Variants in MED15 observed in about 807,000 individuals in gnomAD.
MED15 encodes mediator complex subunit 15.
Under a neutral mutation model 118.7 loss-of-function variants are expected in MED15, and 41 were observed. That is an observed-to-expected ratio of 0.35 (90% CI 0.27 to 0.45). The LOEUF (loss-of-function observed/expected upper bound fraction) is 0.45, where lower values mean the gene tolerates loss of function less well. Among genes scored for constraint, MED15 ranks in the 20% least tolerant of loss-of-function variants. The pLI is 1.00. For missense variants in MED15, 740 were observed against 1,025.5 expected, an observed-to-expected ratio of 0.72 and a Z score of 3.80; for synonymous variants, 436 against 413.9, an observed-to-expected ratio of 1.05 and a Z score of -0.65.
intron 1 of MED15, among the ~76,000 whole-genome samples, chr22:20,530,040 T>C (rs889223301): frequency 6.6e-6 from 1 of 152,226 alleles, no homozygotes; most frequent in Non-Finnish European, 1.5e-5. Context: ...TTTTTTTTAA[T>C]ATGGGAAAAT....
intron 2 of MED15, among the ~76,000 whole-genome samples, chr22:20,540,205 C>T (rs546599474): frequency 4.9e-4 from 75 of 152,102 alleles, no homozygotes; most frequent in Admixed American, 1.4e-3. Flanking sequence ...TCCTGGAGGA[C>T]GTGGAAAGCC....
chr22:20,527,750 G>A (rs144279555), intron 1 of MED15, among the ~76,000 whole-genome samples: 1 of 152,152 alleles, frequency 6.6e-6, no homozygotes, highest in East Asian at 1.9e-4. Context: ...ACAAGGTCAG[G>A]AGTTCGAGAC....
At chr22:20,554,889 G>A (rs1333139438) in intron 4 of MED15, 47 bp from the exon 5 acceptor site, 4 of 1,539,804 alleles carry the variant, frequency 2.6e-6, no homozygotes, top group Non-Finnish European at 3.5e-6. Flanking sequence ...GCCATGGTCA[G>A]TCTGGTAGGC....
Position 20,584,443 on chromosome 22 carries a change from C to A in MED15, c.1803+18C>A, listed in dbSNP as rs1479371146. On this transcript the variant is annotated intron_variant, in intron 14 of 17. Coordinates refer to ENST00000263205, the MANE Select transcript of MED15 (RefSeq NM_001003891.3). ...TGGCGGTGGTGAGTGGGATGCCAGA[C>A]ACCCCTAGGGGAACCAGGGCTCTCC... 1.9e-6 allele frequency: 3 copies of A among 1,612,888 alleles called. No individual in the cohort carries two copies. In the South Asian group the frequency reaches 3.3e-5, roughly 18 times the overall value.
At chr22:20,552,461 G>T in intron 3 of MED15, 1 of 358,328 alleles carries the variant, frequency 2.8e-6, no homozygotes, top group South Asian at 2.1e-5. Context: ...AAAGTCACTG[G>T]GATGTGTAAG....
chr22:20,585,697 C>T (rs748740447), intron 16 of MED15, 31 bp from the exon 17 acceptor site: 2 of 1,601,436 alleles, frequency 1.2e-6, no homozygotes, highest in East Asian at 2.2e-5. Flanking sequence ...GGGGCTTGTC[C>T]AGGTCACAGA....
At chr22:20,532,263 G>T (rs781330369) in intron 1 of MED15, among the ~76,000 whole-genome samples, 31 of 152,316 alleles carry the variant, frequency 2.0e-4, no homozygotes, top group Non-Finnish European at 3.7e-4. Context: ...GAAAGTGAAG[G>T]GAGTTCCCAA....
chr22:20,539,527 G>A (rs1279501253), intron 2 of MED15, among the ~76,000 whole-genome samples: 1 of 152,174 alleles, frequency 6.6e-6, no homozygotes, highest in African/African-American at 2.4e-5. Flanking sequence ...GTTATTATGA[G>A]TAAGCAGAAC....
chr22:20,524,772 C>A (rs1275593115), intron 1 of MED15, among the ~76,000 whole-genome samples: 2 of 152,182 alleles, frequency 1.3e-5, no homozygotes, highest in African/African-American at 4.8e-5. Context: ...CAGGCGCCTG[C>A]CACCATGCCC....
intron 2 of MED15, among the ~76,000 whole-genome samples, chr22:20,547,384 T>G (rs991086307): frequency 3.3e-5 from 5 of 152,360 alleles, no homozygotes; most frequent in Non-Finnish European, 5.9e-5. Context: ...CCTTTTTCTT[T>G]AGATTTGCTA....
At chr22:20,552,817 T>G (rs1261645815) in intron 3 of MED15, 1 of 324,286 alleles carries the variant, frequency 3.1e-6, no homozygotes, top group African/African-American at 2.2e-5. Flanking sequence ...ATTATTTGTT[T>G]GCTCAGGGCT....
At chr22:20,534,065 T>C (rs1260136802) in intron 1 of MED15, among the ~76,000 whole-genome samples, 1 of 152,158 alleles carries the variant, frequency 6.6e-6, no homozygotes, top group Non-Finnish European at 1.5e-5. Flanking sequence ...TGATCGCTGC[T>C]GGTGGGCACA....
In MED15 at chr22:20,507,638, C is replaced by G; in HGVS notation, c.-41C>G. ...TCTGTGACTGAGGCGGCGGCGGTGG[C>G]GGCCAAGCGGGATACGGGCGGCGGG... On this transcript the variant is annotated 5_prime_UTR_variant, in exon 1 of 18. Transcript: ENST00000263205. The G allele has an allele frequency of 1.2e-6, 2 of 1,612,548 alleles. No individual in the cohort carries two copies. The highest frequency in any genetic ancestry group is 2.2e-5 in the East Asian group (1 of 44,874).
intron 8 of MED15, among the ~76,000 whole-genome samples, chr22:20,572,852 G>A (rs1392027663): frequency 6.6e-6 from 1 of 152,218 alleles, no homozygotes; most frequent in Non-Finnish European, 1.5e-5. Context: ...GCAAGCCCAG[G>A]GGTTTGAGGC....
chr22:20,522,985 G>C (rs2054515206), intron 1 of MED15: 1 of 152,192 alleles, frequency 6.6e-6, no homozygotes, highest in Non-Finnish European at 1.5e-5. Flanking sequence ...CAGGACTTGT[G>C]GGTGTAGTAC....
At chr22:20,537,981 C>T (rs773448862) in intron 2 of MED15, among the ~76,000 whole-genome samples, 11 of 152,126 alleles carry the variant, frequency 7.2e-5, no homozygotes, top group Non-Finnish European at 5.9e-5. Flanking sequence ...CTCTGTACTA[C>T]GGATACGTTT....
At chr22:20,535,794 C>T (rs942397789) in intron 1 of MED15, among the ~76,000 whole-genome samples, 1 of 151,198 alleles carries the variant, frequency 6.6e-6, no homozygotes, top group African/African-American at 2.4e-5. Context: ...CGCCTGACCT[C>T]GTGATCTGCC....
At chr22:20,533,288 A>G (rs1316909564) in intron 1 of MED15, among the ~76,000 whole-genome samples, 1 of 152,192 alleles carries the variant, frequency 6.6e-6, no homozygotes, top group African/African-American at 2.4e-5. Context: ...GAAAAGCGCC[A>G]GGCCAGCTGG....
At chr22:20,586,486 C>G (rs890866218) in intron 17 of MED15, 82 bp from the exon 18 acceptor site, 1 of 1,565,036 alleles carries the variant, frequency 6.4e-7, no homozygotes, top group Non-Finnish European at 8.7e-7. Flanking sequence ...CTGGGGCTAC[C>G]CCTTCCCAGA....
Sources: gnomAD v4.1 joint callset for allele counts (sites outside exome capture counted in the v4.1 genomes callset) on GRCh38, gnomAD v4.1.1 for gene constraint, MANE v1.5 for transcripts, NCBI Gene and HGNC (gene_info 2026-07-23, HGNC 2026-07-21) for gene names.